Variants in DENND2C observed in about 807,000 individuals in gnomAD.
DENND2C encodes DENN domain-containing protein 2C.
In DENND2C, 72 loss-of-function variants were observed where a neutral mutation model predicts 112.4. The ratio of observed to expected loss-of-function variants is 0.64; its 90% CI spans 0.53 to 0.78. The LOEUF (loss-of-function observed/expected upper bound fraction) is 0.78, where lower values mean the gene tolerates loss of function less well. Ranked by LOEUF, DENND2C falls within the 30% of genes least tolerant of loss-of-function variation. The pLI is 0.00. For missense variants in DENND2C, 992 were observed against 1,113.8 expected (o/e 0.89, Z 1.56); for synonymous variants, 329 against 381.6 (o/e 0.86, Z 1.61).
At chr1:114,649,150 T>C (rs1657085100) in intron 2 of DENND2C, among the ~76,000 whole-genome samples, 1 of 151,974 alleles carries the variant, frequency 6.6e-6, no homozygotes, top group Non-Finnish European at 1.5e-5. Context: ...AGACAGGGTT[T>C]CAGCATGTTG....
At chr1:114,594,916 C>T (rs1378337262) in intron 17 of DENND2C, among the ~76,000 whole-genome samples, 2 of 152,166 alleles carry the variant, frequency 1.3e-5, no homozygotes, top group Non-Finnish European at 1.5e-5. Context: ...GGGAAACACT[C>T]TTCTTTTCAC....
intron 1 of DENND2C, among the ~76,000 whole-genome samples, chr1:114,657,762 T>C (rs900794823): frequency 5.3e-5 from 8 of 152,106 alleles, no homozygotes; most frequent in Admixed American, 2.6e-4. Context: ...GAATAGACAA[T>C]AGAGTGGAGC....
Position 114,599,258 on chromosome 1 carries a change from C to T in DENND2C, c.2283+16G>A. On this transcript the variant is annotated intron_variant, in intron 16 of 20. Transcript: ENST00000393274. ...TTCTCAATGCTCCAATATTAGGTTC[C>T]ATTCTTCTATCTCACCTCTTCAATG... 6.4e-7 allele frequency: 1 copy of T among 1,574,706 alleles called. No individual in the cohort carries two copies. The highest frequency in any genetic ancestry group is 1.2e-5 in the South Asian group (1 of 84,232).
intron 8 of DENND2C, among the ~76,000 whole-genome samples, chr1:114,617,674 A>C (rs1366071139): frequency 6.6e-6 from 1 of 152,020 alleles, no homozygotes; most frequent in Non-Finnish European, 1.5e-5. Context: ...AAAAAACCAG[A>C]TAAATCAATA....
At chr1:114,645,065 T>G (rs1391819350) in intron 3 of DENND2C, among the ~76,000 whole-genome samples, 1 of 152,228 alleles carries the variant, frequency 6.6e-6, no homozygotes, top group Non-Finnish European at 1.5e-5. Flanking sequence ...TCACTGAAGT[T>G]TAACTACAAA....
At chr1:114,651,558 G>C (rs1657166723) in intron 2 of DENND2C, among the ~76,000 whole-genome samples, 2 of 152,034 alleles carry the variant, frequency 1.3e-5, no homozygotes, top group Non-Finnish European at 2.9e-5. Flanking sequence ...GGCCAACATG[G>C]TGAAACCCCA....
At chr1:114,614,676 A>G (rs1290725942) in intron 8 of DENND2C, among the ~76,000 whole-genome samples, 1 of 152,214 alleles carries the variant, frequency 6.6e-6, no homozygotes, top group Non-Finnish European at 1.5e-5. Context: ...TTCCTAATCC[A>G]TAAGGCATAG....
At chr1:114,594,655 T>C in intron 17 of DENND2C, 77 bp from the exon 18 acceptor site, 1 of 1,208,618 alleles carries the variant, frequency 8.3e-7, no homozygotes, top group Non-Finnish European at 1.2e-6. Context: ...CCCTAGTTAT[T>C]TCTCCAAAAT....
At chr1:114,645,105 G>A (rs569663536) in intron 3 of DENND2C, among the ~76,000 whole-genome samples, 49 of 152,102 alleles carry the variant, frequency 3.2e-4, no homozygotes, top group African/African-American at 1.2e-3. Flanking sequence ...GTGATTAAAC[G>A]TGGTTTTTTT....
intron 2 of DENND2C, among the ~76,000 whole-genome samples, chr1:114,647,741 T>C (rs1329375594): frequency 6.6e-6 from 1 of 151,820 alleles, no homozygotes. Context: ...ATATTTTAAA[T>C]AATTATTACT....
intron 3 of DENND2C, among the ~76,000 whole-genome samples, chr1:114,636,762 C>A (rs1314688605): frequency 6.7e-6 from 1 of 150,372 alleles, no homozygotes; most frequent in African/African-American, 2.4e-5. Flanking sequence ...TTTTTTTTTC[C>A]TGCAAACAAT....
chr1:114,583,034 T>C lies in DENND2C; in HGVS notation c.*2566A>G, dbSNP rs1007705957. The C allele has an allele frequency of 2.6e-5, 4 of 152,240 alleles. No homozygotes were observed. Among genetic ancestry groups the C allele is most frequent in the African/African-American group, 9.6e-5 (4 of 41,454 alleles). The allele number at this position is 152,240 out of a possible 1,614,324, so 9.4% of individuals were successfully genotyped here. A position where few individuals can be genotyped will look rare whatever the true frequency, so the allele number is the denominator to read the frequency against. On this transcript the variant is annotated 3_prime_UTR_variant, in exon 21 of 21. Coordinates refer to ENST00000393274, the MANE Select transcript of DENND2C (RefSeq NM_001256404.2). ...CATTGCTGAAGCAAAGGTCTCCTCC[T>C]AGAGGGATAGCCAGGATCCATCACA...
At chr1:114,664,111 A>T (rs953499280) in intron 1 of DENND2C, among the ~76,000 whole-genome samples, 9 of 151,892 alleles carry the variant, frequency 5.9e-5, no homozygotes, top group Non-Finnish European at 1.2e-4. Flanking sequence ...CTAATTTTTT[A>T]AAATTTTTTG....
At chr1:114,589,733 T>C (rs942979483) in intron 18 of DENND2C, among the ~76,000 whole-genome samples, 2 of 152,152 alleles carry the variant, frequency 1.3e-5, no homozygotes, top group African/African-American at 4.8e-5. Flanking sequence ...ATTATGTTTT[T>C]CTATAATTTC....
In DENND2C at chr1:114,594,384, G is replaced by GATTGTATATCTAAAGATAAT. The variant is rs1440561847; in HGVS notation, c.2431+88_2431+89insATTATCTTTAGATATACAAT. The GATTGTATATCTAAAGATAAT allele has an allele frequency of 4.7e-6, 5 of 1,074,300 alleles. No individual in the cohort carries two copies. In the African/African-American group the frequency reaches 7.9e-5, roughly 17 times the overall value. 66.5% of individuals were successfully genotyped at this position (1,074,300 alleles called of 1,614,324 possible). A position where few individuals can be genotyped will look rare whatever the true frequency, so the allele number is the denominator to read the frequency against. ...CGCACAGGCAATCTAATGCTACTTT[G>GATTGTATATCTAAAGATAAT]GTATATCCTTTAACATAGTGCTGGG... On this transcript the variant is annotated intron_variant, in intron 18 of 20. Coordinates refer to ENST00000393274, the MANE Select transcript of DENND2C (RefSeq NM_001256404.2).
chr1:114,602,273 T>C lies in DENND2C; in HGVS notation c.1668-79A>G, dbSNP rs535840944. ...CTCCATGGAACAAACAATTGAAAAC[T>C]AGAGTCCAACAGTAGTCATTTTGTG... On this transcript the variant is annotated intron_variant, in intron 11 of 20. Transcript: ENST00000393274. 26 of 1,443,808 alleles carry C rather than the reference T, an allele frequency of 1.8e-5. No homozygotes were observed. In the East Asian group the frequency reaches 5.1e-4, roughly 28 times the overall value. The allele number at this position is 1,443,808 out of a possible 1,614,324, so 89.4% of individuals were successfully genotyped here.
intron 3 of DENND2C, among the ~76,000 whole-genome samples, chr1:114,642,080 T>C (rs1656854118): frequency 6.6e-6 from 1 of 152,176 alleles, no homozygotes. Context: ...GCCTCCCAAG[T>C]AGCTGGGATT....
intron 1 of DENND2C, among the ~76,000 whole-genome samples, chr1:114,661,670 C>T (rs1211951206): frequency 2.0e-5 from 3 of 152,174 alleles, no homozygotes; most frequent in Non-Finnish European, 2.9e-5. Context: ...AAATAATCTT[C>T]ATTGAAAGTC....
In DENND2C at chr1:114,608,826, G is replaced by A. The variant is rs1446425681; in HGVS notation, c.1417C>T (p.Pro473Ser). Residue 473 changes from proline (P) to serine (S), a missense_variant, in exon 10 of 21, where the codon CCT (proline) becomes TCT (serine). Physicochemically the swap from Pro to Ser is moderately conservative, Grantham distance 74. Coordinates refer to ENST00000393274, the MANE Select transcript of DENND2C (RefSeq NM_001256404.2). Reference protein sequence around the residue: ...AQLQPSSKRNPHYQTLERDLI... With the variant: ...AQLQPSSKRNSHYQTLERDLI... ...TCCCGCTCCAAGGTCTGGTAGTGAG[G>A]ATTCCTCTTGGAAGACGGTTGCAGT... 1 of 1,614,214 alleles carries A rather than the reference G, an allele frequency of 6.2e-7. No homozygotes were observed. Among genetic ancestry groups the A allele is most frequent in the South Asian group, 1.1e-5 (1 of 91,084 alleles).
Sources: allele counts gnomAD v4.1 joint callset (sites outside exome capture counted in the v4.1 genomes callset), GRCh38; gene constraint gnomAD v4.1.1; transcripts MANE v1.5; gene names NCBI Gene and HGNC (gene_info 2026-07-23, HGNC 2026-07-21).